The following CNTNAP5 variants were observed in gnomAD, a reference collection of about 807,000 sequenced individuals.
The protein encoded by CNTNAP5 is contactin associated protein family member 5.
Under a neutral mutation model 150.2 loss-of-function variants are expected in CNTNAP5, and 72 were observed. That is an observed-to-expected ratio of 0.48 (90% CI 0.40 to 0.58). The LOEUF (loss-of-function observed/expected upper bound fraction) is 0.58. CNTNAP5 is among the 20% of genes least tolerant of loss of function. CNTNAP5 has a pLI of 0.00. For missense variants in CNTNAP5, 1,636 were observed against 1,626.2 expected (o/e 1.01, Z -0.10); for synonymous variants, 672 against 619.8 (o/e 1.08, Z -1.25).
chr2:124,861,299 G>A (rs909513595), intron 19 of CNTNAP5, among the ~76,000 whole-genome samples: 4 of 152,126 alleles, frequency 2.6e-5, no homozygotes, highest in South Asian at 2.1e-4. Flanking sequence ...CTGGCCAGGC[G>A]TGGTGGCTCA....
At chr2:124,709,487 C>A (rs993875386) in intron 13 of CNTNAP5, among the ~76,000 whole-genome samples, 1 of 151,844 alleles carries the variant, frequency 6.6e-6, no homozygotes, top group Non-Finnish European at 1.5e-5. Flanking sequence ...GAAGAGGGAA[C>A]CATTAATGAG....
At chr2:124,504,108 T>A (rs1365326355) in intron 7 of CNTNAP5, among the ~76,000 whole-genome samples, 184 bp from the exon 8 acceptor site, 1 of 152,178 alleles carries the variant, frequency 6.6e-6, no homozygotes, top group African/African-American at 2.4e-5. Flanking sequence ...CCTTAACAAA[T>A]GAGCGGAAAA....
intron 1 of CNTNAP5, among the ~76,000 whole-genome samples, chr2:124,157,183 G>A (rs907830893): frequency 2.0e-5 from 3 of 151,258 alleles, no homozygotes; most frequent in East Asian, 1.9e-4. Context: ...AGGTTGCACC[G>A]TGAGTCTGGT....
rs761790564 is a variant in CNTNAP5, at chr2:124,889,078, C to CTT, written c.3437-13777_3437-13776dup. 9.0e-4 allele frequency among the ~76,000 whole-genome samples: 62 copies of CTT among 68,794 alleles called. 1 individual carries two copies. Among genetic ancestry groups the CTT allele is most frequent in the Non-Finnish European group, 1.1e-3 (37 of 34,246 alleles). 45.1% of individuals were successfully genotyped at this position (68,794 alleles called of 152,430 possible). A position where few individuals can be genotyped will look rare whatever the true frequency, so the allele number is the denominator to read the frequency against. ...AGGATTCTTATAGTTTGAGGTCTAGCTTTTTTTTTTTTTTTTTTTTTTTTT... is the reference window on the plus strand; with the variant it reads ...AGGATTCTTATAGTTTGAGGTCTAGCTTTTTTTTTTTTTTTTTTTTTTTTTTT... On this transcript the variant is annotated intron_variant, in intron 21 of 23. Transcript: ENST00000682447.
intron 3 of CNTNAP5, among the ~76,000 whole-genome samples, chr2:124,302,252 A>C (rs1460160569): frequency 6.6e-6 from 1 of 152,006 alleles, no homozygotes; most frequent in Non-Finnish European, 1.5e-5. Context: ...TATACTGTTA[A>C]GAATAAACAA....
chr2:124,898,175 A>G lies in CNTNAP5; in HGVS notation c.3437-4707A>G, dbSNP rs940895790. Among the ~76,000 whole-genome samples, 20 of 151,352 alleles carry G rather than the reference A, an allele frequency of 1.3e-4. 2 individuals are homozygous for G. The highest frequency in any genetic ancestry group is 2.2e-4 in the African/African-American group (9 of 40,744). On this transcript the variant is annotated intron_variant, in intron 21 of 23. Coordinates refer to ENST00000682447, the MANE Select transcript of CNTNAP5 (RefSeq NM_001367498.1). Reference sequence around the variant, plus strand: ...CCATTAACATTGATTCTGCTTAACTATATTTTACCTTGATACAACATTTTA... The same window carrying G: ...CCATTAACATTGATTCTGCTTAACTGTATTTTACCTTGATACAACATTTTA...
intron 18 of CNTNAP5, among the ~76,000 whole-genome samples, chr2:124,790,531 A>C (rs893586758): frequency 6.6e-6 from 1 of 152,332 alleles, no homozygotes; most frequent in Admixed American, 6.5e-5. Context: ...AGAGATACTT[A>C]AGCCATCTTA....
chr2:124,537,320 C>A (rs962532311), intron 10 of CNTNAP5, among the ~76,000 whole-genome samples: 13 of 152,122 alleles, frequency 8.5e-5, no homozygotes, highest in African/African-American at 3.1e-4. Flanking sequence ...GAAAATGATG[C>A]ATTTTTGTCT....
At chr2:124,326,484 A>C (rs188152525) in intron 3 of CNTNAP5, among the ~76,000 whole-genome samples, 1 of 152,304 alleles carries the variant, frequency 6.6e-6, no homozygotes, top group Non-Finnish European at 1.5e-5. Context: ...GAAAAAAACA[A>C]AATAATATTT....
At chr2:124,403,820 G>A (rs1440344277) in intron 3 of CNTNAP5, among the ~76,000 whole-genome samples, 1 of 152,184 alleles carries the variant, frequency 6.6e-6, no homozygotes, top group Non-Finnish European at 1.5e-5. Flanking sequence ...GGCTAGGGAG[G>A]CCTCACAATT....
At chr2:124,734,833 A>T (rs897838631) in intron 13 of CNTNAP5, among the ~76,000 whole-genome samples, 5 of 152,164 alleles carry the variant, frequency 3.3e-5, no homozygotes, top group African/African-American at 1.2e-4. Context: ...GGTGTCATCG[A>T]ACAAGAATTC....
chr2:124,556,053 G>A (rs892047034), intron 10 of CNTNAP5, among the ~76,000 whole-genome samples: 1 of 152,176 alleles, frequency 6.6e-6, no homozygotes, highest in African/African-American at 2.4e-5. Context: ...TGGAATCAGT[G>A]CAAAATATGC....
chr2:124,266,851 C>CA (rs1260262618), intron 3 of CNTNAP5, among the ~76,000 whole-genome samples: 1 of 151,954 alleles, frequency 6.6e-6, no homozygotes, highest in East Asian at 1.9e-4. Context: ...CTGGGAATGG[C>CA]AAAAAGACAG....
intron 19 of CNTNAP5, among the ~76,000 whole-genome samples, chr2:124,826,622 T>C (rs546888231): frequency 2.3e-4 from 35 of 152,246 alleles, no homozygotes; most frequent in African/African-American, 8.4e-4. Flanking sequence ...TCATTAGAAA[T>C]GCAAATTCTG....
chr2:124,586,266 G>T (rs542313461), intron 11 of CNTNAP5, among the ~76,000 whole-genome samples: 2 of 152,266 alleles, frequency 1.3e-5, no homozygotes, highest in East Asian at 3.9e-4. Flanking sequence ...CTGGCAATTT[G>T]TACTGATGAT....
At chr2:124,445,421 A>G (rs1294287829) in intron 5 of CNTNAP5, among the ~76,000 whole-genome samples, 1 of 152,208 alleles carries the variant, frequency 6.6e-6, no homozygotes, top group Non-Finnish European at 1.5e-5. Flanking sequence ...TATAGGAGAA[A>G]GAAAGGGAGG....
intron 7 of CNTNAP5, among the ~76,000 whole-genome samples, chr2:124,486,961 T>C (rs1693894714): frequency 6.6e-6 from 1 of 152,220 alleles, no homozygotes; most frequent in Admixed American, 6.5e-5. Context: ...CAAAAACTTA[T>C]TCATATTTAA....
Position 124,902,926 on chromosome 2 carries a change from G to A in CNTNAP5, c.3481G>A (p.Gly1161Ser), listed in dbSNP as rs1462857992. ...DSEVAKANAMGFAGCMSSVQY... is the reference protein window; with the variant it reads ...DSEVAKANAMSFAGCMSSVQY... ...TGAAGTTGCTAAAGCAAATGCCATGGGTTTTGCTGGATGCATGTCTTCCGT... is the reference window on the plus strand; with the variant it reads ...TGAAGTTGCTAAAGCAAATGCCATGAGTTTTGCTGGATGCATGTCTTCCGT... The change falls in exon 22 of 24, where the codon GGT becomes AGT. Residue 1161 changes from glycine to serine, a missense_variant. Transcript: ENST00000682447. The A allele has an allele frequency of 6.2e-7, 1 of 1,612,596 alleles. No individual in the cohort carries two copies. The highest frequency in any genetic ancestry group is 1.1e-5 in the South Asian group (1 of 90,972).
intron 3 of CNTNAP5, among the ~76,000 whole-genome samples, chr2:124,294,342 A>G (rs902382831): frequency 6.6e-6 from 1 of 152,250 alleles, no homozygotes; most frequent in African/African-American, 2.4e-5. Flanking sequence ...GTATTATAAA[A>G]TAAGTAAAAC....
Sources: gnomAD v4.1 joint callset for allele counts (sites outside exome capture counted in the v4.1 genomes callset) on GRCh38, gnomAD v4.1.1 for gene constraint, MANE v1.5 for transcripts, NCBI Gene and HGNC (gene_info 2026-07-23, HGNC 2026-07-21) for gene names.